NIN: variants seen among roughly 807,000 people sequenced by gnomAD.
NIN encodes the protein ninein.
In NIN, 137 loss-of-function variants were observed where a neutral mutation model predicts 257.6. The ratio of observed to expected loss-of-function variants is 0.53; its 90% CI spans 0.46 to 0.61. The LOEUF (loss-of-function observed/expected upper bound fraction) is 0.61. Among genes scored for constraint, NIN ranks in the 20% least tolerant of loss-of-function variants. The pLI is 0.00. For missense variants in NIN, 2,439 were observed against 2,501.2 expected (o/e 0.98, Z 0.53); for synonymous variants, 918 against 919.8 (o/e 1.00, Z 0.04).
chr14:50,753,151 G>A (rs1399682902), intron 20 of NIN, among the ~76,000 whole-genome samples: 1 of 152,210 alleles, frequency 6.6e-6, no homozygotes, highest in Non-Finnish European at 1.5e-5. Context: ...TGTAATCCCA[G>A]CACTTTGGGA....
chr14:50,772,437 G>T lies in NIN; in HGVS notation c.845C>A (p.Thr282Asn), dbSNP rs1295693782. 14 of 1,614,078 alleles carry T rather than the reference G, an allele frequency of 8.7e-6. No individual in the cohort carries two copies. Among genetic ancestry groups the T allele is most frequent in the African/African-American group, 1.3e-5 (1 of 74,920 alleles). The change falls in exon 9 of 31, where the codon ACC becomes AAC. Residue 282 changes from threonine (T) to asparagine (N), a missense_variant. This residue lies in a region of NIN where 387 missense variants were observed against 427.3 expected (regional missense o/e 0.91). Coordinates refer to ENST00000530997, the MANE Select transcript of NIN (RefSeq NM_020921.4). The stretch of plus-strand genomic sequence containing the variant: ...AATGGTACTTGTCATTGCTGATGAG[G>T]TTGTGGTACGTCGTCCACTCTCATC... ...SFDESGRRTTTSSAMTSTIGF... is the reference protein window; with the variant it reads ...SFDESGRRTTNSSAMTSTIGF...
intron 23 of NIN, among the ~76,000 whole-genome samples, chr14:50,743,804 A>G (rs1332871157): frequency 6.6e-6 from 1 of 152,150 alleles, no homozygotes; most frequent in Admixed American, 6.5e-5. Flanking sequence ...GTAAGCTGGA[A>G]GGCCATTAAA....
intron 4 of NIN, among the ~76,000 whole-genome samples, chr14:50,803,724 A>C (rs961841055): frequency 2.0e-5 from 3 of 152,068 alleles, no homozygotes; most frequent in African/African-American, 7.2e-5. Context: ...CCAGCCCTAA[A>C]ATGCTATATG....
At position 50,758,124 on chromosome 14, in the gene NIN, A is replaced by G; in HGVS notation, c.2906T>C (p.Leu969Pro). The change falls in exon 18 of 31, where the codon CTG (leucine) becomes CCG (proline). Residue 969 changes from leucine (L) to proline (P), a missense_variant. Transcript: ENST00000530997. The stretch of plus-strand genomic sequence containing the variant: ...GTCATGTTCCATTTCTAGTCTTTCC[A>G]GCCGCTGGCTGGCCAGCTGCTCCGA... ...GASEQLASQRLERLEMEHDQE... is the reference protein window; with the variant it reads ...GASEQLASQRPERLEMEHDQE... The G allele has an allele frequency of 6.2e-7, 1 of 1,614,122 alleles. No homozygotes were observed. The highest frequency in any genetic ancestry group is 2.2e-5 in the East Asian group (1 of 44,884).
intron 1 of NIN, 168 bp from the exon 2 acceptor site, chr14:50,830,685 G>T (rs1457882407): frequency 6.1e-6 from 1 of 163,374 alleles, no homozygotes; most frequent in Non-Finnish European, 1.5e-5. Flanking sequence ...GCGGCTCTCG[G>T]GGGCCGCGGG....
intron 23 of NIN, 43 bp from the exon 24 acceptor site, chr14:50,743,572 AAC>A: frequency 1.7e-6 from 2 of 1,206,810 alleles, no homozygotes; most frequent in Non-Finnish European, 2.5e-6. Flanking sequence ...CATTTTTGCA[AAC>A]ATAGCTAGCC....
intron 30 of NIN, among the ~76,000 whole-genome samples, chr14:50,724,741 A>G (rs1300230646): frequency 6.6e-6 from 1 of 152,138 alleles, no homozygotes. Flanking sequence ...CACACCCCAC[A>G]TGTGGTCATA....
intron 3 of NIN, among the ~76,000 whole-genome samples, chr14:50,820,086 C>T (rs1463735854): frequency 6.6e-6 from 1 of 152,122 alleles, no homozygotes; most frequent in Non-Finnish European, 1.5e-5. Flanking sequence ...TAACTCATGC[C>T]AACCCCCCCA....
Position 50,721,291 on chromosome 14 carries a change from C to T in NIN, c.*2172G>A, listed in dbSNP as rs946188760. ...ATGTAGTCTAAACTTTCCAGAAAGT[C>T]ATATTTACATTCATTGTACATTTTA... On this transcript the variant is annotated 3_prime_UTR_variant, in exon 31 of 31. Transcript: ENST00000530997. The T allele has an allele frequency of 9.8e-6, 2 of 204,290 alleles. No homozygotes were observed. Among genetic ancestry groups the T allele is most frequent in the African/African-American group, 2.3e-5 (1 of 43,666 alleles). 12.7% of individuals were successfully genotyped at this position (204,290 alleles called of 1,614,324 possible).
intron 2 of NIN, among the ~76,000 whole-genome samples, chr14:50,826,356 CT>C (rs778384878): frequency 1.3e-5 from 2 of 152,174 alleles, no homozygotes; most frequent in Non-Finnish European, 2.9e-5. Context: ...GGAGTTCTAA[CT>C]GGGGATGGTT....
At chr14:50,754,405 C>T (rs926269460) in intron 20 of NIN, among the ~76,000 whole-genome samples, 158 bp downstream of exon 20, 3 of 152,116 alleles carry the variant, frequency 2.0e-5, no homozygotes, top group African/African-American at 4.8e-5. Context: ...AGTTTAGAGT[C>T]AGTATGAGGT....
At chr14:50,733,759 A>G (rs916065426) in intron 28 of NIN, among the ~76,000 whole-genome samples, 1 of 152,194 alleles carries the variant, frequency 6.6e-6, no homozygotes, top group Non-Finnish European at 1.5e-5. Flanking sequence ...CTCAGAGTAT[A>G]TAATTATATT....
chr14:50,797,991 G>A (rs556334176), intron 4 of NIN, among the ~76,000 whole-genome samples: 7 of 151,954 alleles, frequency 4.6e-5, no homozygotes, highest in Non-Finnish European at 7.4e-5. Flanking sequence ...GTTGGGAGGG[G>A]AACGTCTCAA....
At chr14:50,744,470 CTG>C in intron 22 of NIN, 105 bp from the exon 23 acceptor site, 2 of 1,208,142 alleles carry the variant, frequency 1.7e-6, no homozygotes, top group Non-Finnish European at 2.3e-6. Flanking sequence ...ATTTGCCTAT[CTG>C]TGGATATTTC....
In NIN at chr14:50,823,931, A is replaced by G. The variant is rs546266626; in HGVS notation, c.-21-1854T>C. On this transcript the variant is annotated intron_variant, in intron 2 of 30. Coordinates refer to ENST00000530997, the MANE Select transcript of NIN (RefSeq NM_020921.4). ...AGCCACAGGAGTTAAGAATTTAGACAAGGCCAACACTTCGCTAACAAGATT... is the reference window on the plus strand; with the variant it reads ...AGCCACAGGAGTTAAGAATTTAGACGAGGCCAACACTTCGCTAACAAGATT... Among the ~76,000 whole-genome samples, 21 of 152,372 alleles carry G rather than the reference A, an allele frequency of 1.4e-4. No individual in the cohort carries two copies. The South Asian group carries it at 3.7e-3, about 27-fold the overall frequency.
intron 24 of NIN, among the ~76,000 whole-genome samples, 181 bp downstream of exon 24, chr14:50,743,235 G>C (rs1009722571): frequency 1.3e-5 from 2 of 151,954 alleles, no homozygotes; most frequent in African/African-American, 4.8e-5. Flanking sequence ...CTCCCAAAGT[G>C]CTGGTGAGCC....
chr14:50,760,628 C>G (rs941040408), intron 16 of NIN, among the ~76,000 whole-genome samples: 1 of 151,922 alleles, frequency 6.6e-6, no homozygotes, highest in Non-Finnish European at 1.5e-5. Context: ...ACATAGCTAC[C>G]CTCTGTCTTC....
Position 50,792,766 on chromosome 14 carries a change from C to T in NIN, c.381G>A (p.Glu127=). The change falls in exon 5 of 31, where the codon GAG becomes GAA. Residue 127 remains glutamate (E), a synonymous_variant. Transcript: ENST00000530997. Reference sequence around the variant, plus strand: ...AAGGCCGCGCTTCTTCATCCAGTGGCTCAATCACCGTCACTTCAGGAAACT... The same window carrying T: ...AAGGCCGCGCTTCTTCATCCAGTGGTTCAATCACCGTCACTTCAGGAAACT... ...VEEFPEVTVI[E]PLDEEARPSH... 1 of 1,614,198 alleles carries T rather than the reference C, an allele frequency of 6.2e-7. No individual in the cohort carries two copies. The highest frequency in any genetic ancestry group is 8.5e-7 in the Non-Finnish European group (1 of 1,180,038).
intron 5 of NIN, among the ~76,000 whole-genome samples, chr14:50,780,722 A>T (rs1374231394): frequency 6.6e-6 from 1 of 152,238 alleles, no homozygotes; most frequent in Admixed American, 6.5e-5. Flanking sequence ...GTTGTTGCTG[A>T]CAAATGGAAG....
Sources: gnomAD v4.1 joint callset for allele counts (sites outside exome capture counted in the v4.1 genomes callset) on GRCh38, gnomAD v4.1.1 for gene constraint, gnomAD v4.1.1 regional missense constraint, MANE v1.5 for transcripts, NCBI Gene and HGNC (gene_info 2026-07-23, HGNC 2026-07-21) for gene names.